Variants in SEC24D observed in about 807,000 individuals in gnomAD.
SEC24D encodes SEC24 homolog D, COPII component.
A neutral mutation model predicts 116.9 loss-of-function variants in SEC24D; 69 were observed. The ratio of observed to expected loss-of-function variants is 0.59; its 90% CI spans 0.49 to 0.72. The LOEUF is 0.72. Ranked by LOEUF, SEC24D falls within the 30% of genes least tolerant of loss-of-function variation. SEC24D has a pLI of 0.00. For missense variants in SEC24D, 1,131 were observed against 1,264.1 expected, an observed-to-expected ratio of 0.89 and a Z score of 1.60; for synonymous variants, 405 against 442.8, an observed-to-expected ratio of 0.91 and a Z score of 1.07.
intron 6 of SEC24D, among the ~76,000 whole-genome samples, chr4:118,810,349 G>A (rs372371911): frequency 8.5e-5 from 13 of 152,056 alleles, no homozygotes; most frequent in African/African-American, 3.1e-4. Flanking sequence ...GATAGTAGAG[G>A]CTTGGAACAG....
chr4:118,817,511 A>T (rs1400365271), intron 3 of SEC24D, 99 bp from the exon 4 acceptor site: 1 of 999,068 alleles, frequency 1.0e-6, no homozygotes, highest in African/African-American at 1.7e-5. Context: ...AAGCCTGTCT[A>T]GTAGGCCTAG....
rs367588021 is a variant in SEC24D, at chr4:118,763,382, A to G, written c.1296+1420T>C. On this transcript the variant is annotated intron_variant, in intron 10 of 22. Transcript: ENST00000280551. ...GAGCCAGTCAACTGAAAAAAATTCTAGTTAGGAAAAATGTTCATTATCATC... is the reference window on the plus strand; with the variant it reads ...GAGCCAGTCAACTGAAAAAAATTCTGGTTAGGAAAAATGTTCATTATCATC... Among the ~76,000 whole-genome samples the G allele has an allele frequency of 2.8e-5, 4 of 141,136 alleles. No homozygotes were observed. The East Asian group carries it at 6.9e-4, about 24-fold the overall frequency. 92.6% of individuals were successfully genotyped at this position (141,136 alleles called of 152,430 possible). A position where few individuals can be genotyped will look rare whatever the true frequency, so the allele number is the denominator to read the frequency against.
chr4:118,724,103 CAGA>C (rs916372162), intron 22 of SEC24D, among the ~76,000 whole-genome samples: 3 of 151,964 alleles, frequency 2.0e-5, no homozygotes, highest in Admixed American at 1.3e-4. Context: ...AGTGAAGGTG[CAGA>C]AGAATGAAAT....
intron 19 of SEC24D, among the ~76,000 whole-genome samples, chr4:118,737,410 T>C (rs1025600492): frequency 2.6e-5 from 4 of 152,216 alleles, no homozygotes; most frequent in African/African-American, 9.6e-5. Flanking sequence ...AGTGTGTTTG[T>C]TTTCTTTCTT....
intron 6 of SEC24D, among the ~76,000 whole-genome samples, chr4:118,810,122 GTGTGTGTGTGTGTGT>G (rs762770803): frequency 0.059 from 8,719 of 146,914 alleles, 537 homozygotes; most frequent in Middle Eastern, 0.087. Context: ...GTGTGTGTGT[GTGTGTGTGTGTGTGT>G]CAGAGGGTAT....
intron 8 of SEC24D, among the ~76,000 whole-genome samples, chr4:118,779,147 G>C (rs748895940): frequency 6.6e-6 from 1 of 152,198 alleles, no homozygotes; most frequent in Admixed American, 6.5e-5. Context: ...ATGTTGAGTA[G>C]GAGTGGTGAG....
At position 118,744,173 on chromosome 4, in the gene SEC24D, CAAA is replaced by C; in HGVS notation, c.1825-18_1825-16del. On this transcript the variant is annotated splice_polypyrimidine_tract_variant and intron_variant, in intron 14 of 22. Transcript: ENST00000280551. The stretch of plus-strand genomic sequence containing the variant: ...TGGAAAAGTATCTGGAAAAAAGATG[CAAA>C]AAAAAAGAAAAAATAAAAATTACAA... 1 of 1,463,646 alleles carries C rather than the reference CAAA, an allele frequency of 6.8e-7. No homozygotes were observed. The highest frequency in any genetic ancestry group is 9.1e-7 in the Non-Finnish European group (1 of 1,095,704). 90.7% of individuals were successfully genotyped at this position (1,463,646 alleles called of 1,614,324 possible). A position where few individuals can be genotyped will look rare whatever the true frequency, so the allele number is the denominator to read the frequency against.
chr4:118,817,370 A>G lies in SEC24D; in HGVS notation c.291T>C (p.His97=). Residue 97 remains histidine, a synonymous_variant, in exon 4 of 23, where the codon CAT becomes CAC. Coordinates refer to ENST00000280551, the MANE Select transcript of SEC24D (RefSeq NM_014822.4). ...ATTGTGCAGAGGGTTGGTATGGTGC[A>G]TGTGAGGATGCCACATTGTTGACAG... ...PPPVNNVASS[H]APYQPSAQSS... The G allele has an allele frequency of 1.2e-6, 2 of 1,613,128 alleles. No individual in the cohort carries two copies. The highest frequency in any genetic ancestry group is 1.7e-6 in the Non-Finnish European group (2 of 1,179,580).
chr4:118,831,136 C>T (rs1730835877), intron 2 of SEC24D, among the ~76,000 whole-genome samples: 1 of 152,128 alleles, frequency 6.6e-6, no homozygotes. Context: ...ATTCTCATGC[C>T]TTAGCCTCCC....
intron 13 of SEC24D, among the ~76,000 whole-genome samples, chr4:118,750,018 G>A (rs1461530484): frequency 6.6e-6 from 1 of 152,106 alleles, no homozygotes; most frequent in African/African-American, 2.4e-5. Context: ...TTAGATATTA[G>A]TTTCTTCTCA....
chr4:118,791,989 T>C (rs574809153), intron 8 of SEC24D, among the ~76,000 whole-genome samples: 3 of 151,654 alleles, frequency 2.0e-5, no homozygotes, highest in East Asian at 2.0e-4. Flanking sequence ...CCGCCCATTG[T>C]CTGGGAAGTG....
intron 11 of SEC24D, among the ~76,000 whole-genome samples, chr4:118,755,781 A>G (rs1452908491): frequency 1.3e-5 from 2 of 152,210 alleles, no homozygotes; most frequent in Non-Finnish European, 1.5e-5. Flanking sequence ...CCCAAAATAA[A>G]TTTCAGGGGA....
Position 118,805,938 on chromosome 4 carries a change from T to C in SEC24D, c.818A>G (p.Asn273Ser). The C allele has an allele frequency of 6.3e-7, 1 of 1,597,868 alleles. No individual in the cohort carries two copies. Among genetic ancestry groups the C allele is most frequent in the Non-Finnish European group, 8.5e-7 (1 of 1,172,606 alleles). The change falls in exon 7 of 23, where the codon AAT becomes AGT. Residue 273 changes from asparagine to serine, a missense_variant. Physicochemically the swap from Asn to Ser is conservative, Grantham distance 46. Coordinates refer to ENST00000280551, the MANE Select transcript of SEC24D (RefSeq NM_014822.4). Reference protein sequence around the residue: ...SIPSPIQVIENDRASRGGQVY... With the variant: ...SIPSPIQVIESDRASRGGQVY... ...TTGTCCTCCTCTGCTGGCTCTATCATTCTCAATCACCTGGATCTGATAAAT... is the reference window on the plus strand; with the variant it reads ...TTGTCCTCCTCTGCTGGCTCTATCACTCTCAATCACCTGGATCTGATAAAT...
intron 22 of SEC24D, among the ~76,000 whole-genome samples, chr4:118,724,981 C>T (rs748112324): frequency 1.3e-5 from 2 of 152,206 alleles, no homozygotes; most frequent in Non-Finnish European, 2.9e-5. Context: ...GCAATTTTGG[C>T]TAGGAGGGCA....
rs867433006 is a variant in SEC24D, at chr4:118,793,281, A to C, written c.1041+4402T>G. Among the ~76,000 whole-genome samples the C allele has an allele frequency of 6.4e-4, 97 of 151,454 alleles. 1 individual carries two copies. The South Asian group carries it at 0.02, about 31-fold the overall frequency. Reference sequence around the variant, plus strand: ...AGGAGATAGAGACCATCCCGGCTAAAACGGTGAAACCCCGTCTCTACTAAA... The same window carrying C: ...AGGAGATAGAGACCATCCCGGCTAACACGGTGAAACCCCGTCTCTACTAAA... On this transcript the variant is annotated intron_variant, in intron 8 of 22. Transcript: ENST00000280551.
Position 118,815,134 on chromosome 4 carries a change from G to C in SEC24D, c.695C>G (p.Ala232Gly), listed in dbSNP as rs1730086048. ...PQQANSGPQMAGAQLSYPGGF... is the reference protein window; with the variant it reads ...PQQANSGPQMGGAQLSYPGGF... Reference sequence around the variant, plus strand: ...TCCTGGGTAAGACAGTTGTGCGCCTGCCATCTGGGGACCAGAGTTGGCTGC... The same window carrying C: ...TCCTGGGTAAGACAGTTGTGCGCCTCCCATCTGGGGACCAGAGTTGGCTGC... Residue 232 changes from alanine (A) to glycine (G), a missense_variant, in exon 6 of 23, where the codon GCA becomes GGA. Ala to Gly is a moderately conservative substitution (Grantham distance 60). Coordinates refer to ENST00000280551, the MANE Select transcript of SEC24D (RefSeq NM_014822.4). 6.2e-7 allele frequency: 1 copy of C among 1,614,074 alleles called. No individual in the cohort carries two copies. Among genetic ancestry groups the C allele is most frequent in the Admixed American group, 1.7e-5 (1 of 60,006 alleles).
intron 2 of SEC24D, among the ~76,000 whole-genome samples, chr4:118,829,676 G>A (rs1363236826): frequency 6.6e-6 from 1 of 152,148 alleles, no homozygotes; most frequent in Non-Finnish European, 1.5e-5. Context: ...GCCGGGTGTG[G>A]TGGCGCATGC....
In SEC24D at chr4:118,723,623, T is replaced by C. The variant is rs780200353; in HGVS notation, c.2991A>G (p.Glu997=). 2.7e-5 allele frequency: 43 copies of C among 1,613,400 alleles called. No homozygotes were observed. The highest frequency in any genetic ancestry group is 3.6e-5 in the Non-Finnish European group (42 of 1,179,788). Residue 997 remains glutamate, a synonymous_variant, in exon 23 of 23, where the codon GAA becomes GAG. Transcript: ENST00000280551. ...CTACCAGGAACTGTCGGAAAACCAT[T>C]TCTGGTTGTTCTCGCTGCTTTACAA... is the stretch of plus-strand genomic sequence containing the variant. ...LTIVKQREQP[E]MVFRQFLVED...
chr4:118,767,075 T>A (rs1453957391), intron 9 of SEC24D, among the ~76,000 whole-genome samples: 1 of 151,948 alleles, frequency 6.6e-6, no homozygotes, highest in Non-Finnish European at 1.5e-5. Context: ...CTGGGATGAG[T>A]CTAGAAGCCA....
Sources: gnomAD v4.1 joint callset for allele counts (sites outside exome capture counted in the v4.1 genomes callset) on GRCh38, gnomAD v4.1.1 for gene constraint, MANE v1.5 for transcripts, NCBI Gene and HGNC (gene_info 2026-07-23, HGNC 2026-07-21) for gene names.